Variants in NEMP2 observed in about 807,000 individuals in gnomAD.
NEMP2 encodes the protein UPF0571 transmembrane protein.
NEMP2 carries 53 observed loss-of-function variants against 54.2 expected under a neutral mutation model. That is an observed-to-expected ratio of 0.98 (90% CI 0.78 to 1.23). The LOEUF (loss-of-function observed/expected upper bound fraction) is 1.23, where lower values mean the gene tolerates loss of function less well. Ranked by LOEUF, NEMP2 falls within the 50% of genes most tolerant of loss-of-function variation. NEMP2 has a pLI of 0.00. For synonymous variants in NEMP2, 197 were observed against 190.3 expected (o/e 1.04, Z -0.29); for missense variants, 455 against 511.3 (o/e 0.89, Z 1.06).
chr2:190,547,625 A>G, the NEMP2 span, among the ~76,000 whole-genome samples: 1 of 152,224 alleles, frequency 6.6e-6, no homozygotes, highest in African/African-American at 2.4e-5. The surrounding 1 kb of genome is among the most constrained non-coding windows in gnomAD (Gnocchi z 6.2). Flanking sequence ...TCCTGGGTTC[A>G]AGCGATTCTC....
At chr2:190,555,008 AG>A in the NEMP2 span, among the ~76,000 whole-genome samples, 2 of 152,210 alleles carry the variant, frequency 1.3e-5, no homozygotes, top group African/African-American at 2.4e-5. This position sits in a 1 kb window ranked among gnomAD's most constrained non-coding sequence, Gnocchi z 4.8. Context: ...GGTGATACCC[AG>A]GCGAACAGGG....
the NEMP2 span, among the ~76,000 whole-genome samples, chr2:190,646,039 T>C: frequency 6.6e-6 from 1 of 152,250 alleles, no homozygotes; most frequent in African/African-American, 2.4e-5. Context: ...CAACAAGCTG[T>C]ACTGAATAAA....
chr2:190,503,484 A>G (rs1243740573), downstream of NEMP2, among the ~76,000 whole-genome samples: 1 of 152,216 alleles, frequency 6.6e-6, no homozygotes, highest in Non-Finnish European at 1.5e-5. This position sits in a 1 kb window ranked among gnomAD's most constrained non-coding sequence, Gnocchi z 6.3. Context: ...ACTGGACAGC[A>G]CGGGTATACA....
At position 190,514,920 on chromosome 2, in the gene NEMP2, CTG is replaced by C. The variant is rs1485229219; in HGVS notation, c.728-244_728-243del. 6.6e-6 allele frequency among the ~76,000 whole-genome samples: 1 copy of C among 152,080 alleles called. No homozygotes were observed. Among genetic ancestry groups the C allele is most frequent in the Non-Finnish European group, 1.5e-5 (1 of 68,016 alleles). On this transcript the variant is annotated intron_variant, in intron 6 of 8. Transcript: ENST00000409150. The surrounding 1 kb of genome is among the most constrained non-coding windows in gnomAD (Gnocchi z 5.7). ...TTATTATGATGATACATAAGTATGTCTGTGTTTTAGTCCAGCACCCTGGCTGG... is the reference window on the plus strand; with the variant it reads ...TTATTATGATGATACATAAGTATGTCTGTTTTAGTCCAGCACCCTGGCTGG...
the NEMP2 span, among the ~76,000 whole-genome samples, chr2:190,431,088 G>A: frequency 1.1e-4 from 16 of 145,526 alleles, no homozygotes; most frequent in African/African-American, 3.6e-4. The surrounding 1 kb of genome is among the most constrained non-coding windows in gnomAD (Gnocchi z 4.4). Context: ...GGGCAGAGGC[G>A]CTCCTCACAT....
At chr2:190,494,425 GA>G in the NEMP2 span, among the ~76,000 whole-genome samples, 1,713 of 152,230 alleles carry the variant, frequency 0.011, 38 homozygotes, top group African/African-American at 0.038. The surrounding 1 kb of genome is among the most constrained non-coding windows in gnomAD (Gnocchi z 5.7). Flanking sequence ...GGCATTCAAA[GA>G]AGAATTGGTA....
the NEMP2 span, chr2:190,477,405 A>G: frequency 1.1e-6 from 1 of 942,840 alleles, no homozygotes; most frequent in Non-Finnish European, 1.3e-6. Context: ...AGAAATGACT[A>G]TATATTATAA....
chr2:190,463,926 A>T, the NEMP2 span: 1 of 980,696 alleles, frequency 1.0e-6, no homozygotes, highest in Non-Finnish European at 1.2e-6. The surrounding 1 kb of genome is among the most constrained non-coding windows in gnomAD (Gnocchi z 4.4). Context: ...AATCCAGTTT[A>T]TATATGAGGC....
At chr2:190,600,632 T>G in the NEMP2 span, among the ~76,000 whole-genome samples, 6 of 152,248 alleles carry the variant, frequency 3.9e-5, 1 homozygote, top group South Asian at 1.0e-3. This position sits in a 1 kb window ranked among gnomAD's most constrained non-coding sequence, Gnocchi z 4.9. Context: ...TCTCTTTTGC[T>G]TCCTCTCTTG....
rs553960717 is a variant in NEMP2, at chr2:190,529,385, C to T, written c.98-4007G>A. Among the ~76,000 whole-genome samples, 9 of 152,194 alleles carry T rather than the reference C, an allele frequency of 5.9e-5. No homozygotes were observed. The East Asian group carries it at 1.4e-3, about 23-fold the overall frequency. Reference sequence around the variant, plus strand: ...GGCCTTCCTGTCCTCAAGATGCCAGCGAGCCCCCACATAAAGTTTCCTCAG... The same window carrying T: ...GGCCTTCCTGTCCTCAAGATGCCAGTGAGCCCCCACATAAAGTTTCCTCAG... On this transcript the variant is annotated intron_variant, in intron 1 of 8. Coordinates refer to ENST00000409150, the MANE Select transcript of NEMP2 (RefSeq NM_001142645.2). This position sits in a 1 kb window ranked among gnomAD's most constrained non-coding sequence, Gnocchi z 4.7.
the NEMP2 span, chr2:190,489,947 T>TG: frequency 1.6e-6 from 2 of 1,212,382 alleles, no homozygotes; most frequent in Non-Finnish European, 2.3e-6. This position sits in a 1 kb window ranked among gnomAD's most constrained non-coding sequence, Gnocchi z 6.6. Context: ...AGCCTAGAAG[T>TG]GGTACAGAGT....
chr2:190,563,921 A>G, the NEMP2 span, among the ~76,000 whole-genome samples: 1 of 152,194 alleles, frequency 6.6e-6, no homozygotes, highest in Non-Finnish European at 1.5e-5. This position sits in a 1 kb window ranked among gnomAD's most constrained non-coding sequence, Gnocchi z 4.3. Flanking sequence ...GGGGAGGCCA[A>G]CCTCTGCTAC....
chr2:190,488,668 G>A, the NEMP2 span: 1 of 1,553,030 alleles, frequency 6.4e-7, no homozygotes. The surrounding 1 kb of genome is among the most constrained non-coding windows in gnomAD (Gnocchi z 6.4). Flanking sequence ...AGTGACACAC[G>A]CGGCCATCTG....
chr2:190,439,959 C>T, the NEMP2 span, among the ~76,000 whole-genome samples: 1 of 152,186 alleles, frequency 6.6e-6, no homozygotes, highest in African/African-American at 2.4e-5. This position sits in a 1 kb window ranked among gnomAD's most constrained non-coding sequence, Gnocchi z 5.8. Context: ...GGGATTTAAA[C>T]TTTCCACTGG....
upstream of NEMP2, among the ~76,000 whole-genome samples, chr2:190,536,195 A>G (rs1323775074): frequency 6.6e-6 from 1 of 152,224 alleles, no homozygotes; most frequent in African/African-American, 2.4e-5. Context: ...AGGAGGTGAT[A>G]GTTCTGTCAC....
At chr2:190,483,187 C>A in the NEMP2 span, among the ~76,000 whole-genome samples, 3 of 151,954 alleles carry the variant, frequency 2.0e-5, no homozygotes, top group Non-Finnish European at 4.4e-5. Flanking sequence ...CCACCGCGCC[C>A]GGCCGACTAT....
At chr2:190,500,785 A>T (rs1689988113), downstream of NEMP2, 1 of 152,906 alleles carries the variant, frequency 6.5e-6, no homozygotes, top group Non-Finnish European at 1.5e-5. This position sits in a 1 kb window ranked among gnomAD's most constrained non-coding sequence, Gnocchi z 5.3. Context: ...AATGAAGTTA[A>T]AAGTTTCATC....
chr2:190,485,183 AG>A, the NEMP2 span, among the ~76,000 whole-genome samples: 1 of 152,198 alleles, frequency 6.6e-6, no homozygotes, highest in East Asian at 1.9e-4. This position sits in a 1 kb window ranked among gnomAD's most constrained non-coding sequence, Gnocchi z 5.1. Flanking sequence ...AATTTCTGAG[AG>A]GGGGAAAATA....
chr2:190,566,139 T>A, the NEMP2 span, among the ~76,000 whole-genome samples: 22 of 152,260 alleles, frequency 1.4e-4, no homozygotes, highest in Non-Finnish European at 1.8e-4. Flanking sequence ...GTCCCTTCAT[T>A]GCAGTGTATC....
Sources: allele counts gnomAD v4.1 joint callset (sites outside exome capture counted in the v4.1 genomes callset), GRCh38; gene constraint gnomAD v4.1.1; non-coding constraint Gnocchi (gnomAD v3.1); transcripts MANE v1.5; gene names NCBI Gene and HGNC (gene_info 2026-07-23, HGNC 2026-07-21).